Variants in PSME4 observed in about 807,000 individuals in gnomAD.
The protein encoded by PSME4 is proteasome activator complex subunit 4.
In PSME4, 89 loss-of-function variants were observed where a neutral mutation model predicts 253.9. The ratio of observed to expected loss-of-function variants is 0.35; its 90% CI spans 0.30 to 0.42. The LOEUF (loss-of-function observed/expected upper bound fraction) is 0.42. Ranked by LOEUF, PSME4 falls within the 10% of genes least tolerant of loss-of-function variation. PSME4 has a pLI of 1.00. For synonymous variants in PSME4, 851 were observed against 759.2 expected (o/e 1.12, Z -1.99); for missense variants, 2,014 against 2,195.2 (o/e 0.92, Z 1.65).
chr2:53,892,897 C>G lies in PSME4; in HGVS notation c.4102G>C (p.Val1368Leu). 1 of 1,613,794 alleles carries G rather than the reference C, an allele frequency of 6.2e-7. No homozygotes were observed. The highest frequency in any genetic ancestry group is 8.5e-7 in the Non-Finnish European group (1 of 1,179,836). Residue 1368 changes from valine (V) to leucine (L), a missense_variant, in exon 36 of 47, where the codon GTT becomes CTT. Physicochemically the swap from Val to Leu is conservative, Grantham distance 32. Transcript: ENST00000404125. ...PVLKPHLEHLVADSHESTQRC... is the reference protein window; with the variant it reads ...PVLKPHLEHLLADSHESTQRC... The stretch of plus-strand genomic sequence containing the variant: ...TGGGTGCTTTCATGTGAATCTGCAA[C>G]CAAATGTTCTAAATGGGGCTTCAGA...
chr2:53,955,307 C>T (rs960009792), intron 1 of PSME4, among the ~76,000 whole-genome samples: 6 of 152,138 alleles, frequency 3.9e-5, no homozygotes, highest in Non-Finnish European at 7.3e-5. Context: ...CTTGTCCAAC[C>T]GATGGCCCAG....
intron 24 of PSME4, among the ~76,000 whole-genome samples, chr2:53,907,347 G>T (rs1041869216): frequency 3.9e-5 from 6 of 152,230 alleles, no homozygotes; most frequent in South Asian, 2.1e-4. Context: ...ACCAAAGGCA[G>T]ATAGTTGAGG....
intron 28 of PSME4, among the ~76,000 whole-genome samples, chr2:53,900,726 G>A (rs1680358742): frequency 1.3e-5 from 2 of 152,124 alleles, no homozygotes; most frequent in Admixed American, 6.5e-5. Context: ...GCAACCCTAT[G>A]TTTGATTTAA....
chr2:53,897,109 C>G (rs1043924589), intron 31 of PSME4, among the ~76,000 whole-genome samples: 4 of 150,944 alleles, frequency 2.6e-5, no homozygotes, highest in African/African-American at 9.7e-5. Flanking sequence ...GCCTAGAAAA[C>G]TTTGACCCCT....
intron 43 of PSME4, chr2:53,870,965 A>G (rs1678849892): frequency 6.6e-6 from 1 of 152,050 alleles, no homozygotes; most frequent in Non-Finnish European, 1.5e-5. Context: ...ATAGATTACA[A>G]AAATTGGGAT....
intron 1 of PSME4, among the ~76,000 whole-genome samples, chr2:53,953,032 C>A (rs2104480055): frequency 6.6e-6 from 1 of 152,258 alleles, no homozygotes; most frequent in Non-Finnish European, 1.5e-5. Context: ...TAAAAAGAGA[C>A]CAACAGGGGG....
At chr2:53,894,282 C>A (rs770433502) in intron 34 of PSME4, among the ~76,000 whole-genome samples, 10 of 151,764 alleles carry the variant, frequency 6.6e-5, no homozygotes, top group Non-Finnish European at 1.5e-4. Flanking sequence ...TTTTTCTTTT[C>A]TTTTTTTGGG....
At chr2:53,902,937 T>C (rs1197925671) in intron 27 of PSME4, among the ~76,000 whole-genome samples, 1 of 152,166 alleles carries the variant, frequency 6.6e-6, no homozygotes, top group Non-Finnish European at 1.5e-5. Context: ...TCGTCTTCAT[T>C]ATCTCCAAAA....
chr2:53,899,210 G>T lies in PSME4; in HGVS notation c.3422+671C>A, dbSNP rs779004480. Reference sequence around the variant, plus strand: ...CTCCCGAGTAGCTGGGACTGTAGGCGCGTGCCACCATGCCAGGCTAAATTT... The same window carrying T: ...CTCCCGAGTAGCTGGGACTGTAGGCTCGTGCCACCATGCCAGGCTAAATTT... On this transcript the variant is annotated intron_variant, in intron 29 of 46. Coordinates refer to ENST00000404125, the MANE Select transcript of PSME4 (RefSeq NM_014614.3). Among the ~76,000 whole-genome samples, 3 of 151,802 alleles carry T rather than the reference G, an allele frequency of 2.0e-5. No individual in the cohort carries two copies. The East Asian group carries it at 5.9e-4, about 30-fold the overall frequency.
At chr2:53,966,945 G>C (rs913185660) in intron 1 of PSME4, among the ~76,000 whole-genome samples, 2 of 152,100 alleles carry the variant, frequency 1.3e-5, no homozygotes, top group African/African-American at 4.8e-5. Flanking sequence ...TGATCCGTCT[G>C]CCTCGGCCTC....
intron 27 of PSME4, among the ~76,000 whole-genome samples, chr2:53,901,965 G>T (rs1355849887): frequency 1.3e-5 from 2 of 152,266 alleles, no homozygotes; most frequent in East Asian, 3.9e-4. Flanking sequence ...TCCTCAGGAG[G>T]CTGAGGTGGG....
At chr2:53,958,037 T>G (rs1670313794) in intron 1 of PSME4, among the ~76,000 whole-genome samples, 1 of 151,836 alleles carries the variant, frequency 6.6e-6, no homozygotes, top group Non-Finnish European at 1.5e-5. Flanking sequence ...AATACAAAAA[T>G]TAGCTGGGCA....
At chr2:53,941,606 G>A (rs773417845) in intron 3 of PSME4, among the ~76,000 whole-genome samples, 19 of 151,992 alleles carry the variant, frequency 1.3e-4, no homozygotes, top group Non-Finnish European at 2.1e-4. Flanking sequence ...TTATATCAGA[G>A]TAACAAAAAG....
intron 26 of PSME4, among the ~76,000 whole-genome samples, chr2:53,904,581 A>G (rs986967060): frequency 1.1e-4 from 17 of 152,258 alleles, no homozygotes; most frequent in Admixed American, 1.0e-3. Flanking sequence ...GACACATAAC[A>G]ACTTAACCCT....
At position 53,949,773 on chromosome 2, in the gene PSME4, T is replaced by C. The variant is rs190817654; in HGVS notation, c.243-490A>G. On this transcript the variant is annotated intron_variant, in intron 1 of 46. Coordinates refer to ENST00000404125, the MANE Select transcript of PSME4 (RefSeq NM_014614.3). ...TGTTATTCAATGGGTATAGTTTCAG[T>C]CAAGTAAAATAAAAGAAGTTGTACA... Among the ~76,000 whole-genome samples, 4 of 152,246 alleles carry C rather than the reference T, an allele frequency of 2.6e-5. No homozygotes were observed. The East Asian group carries it at 7.7e-4, about 29-fold the overall frequency.
intron 37 of PSME4, among the ~76,000 whole-genome samples, chr2:53,889,688 T>C (rs184639612): frequency 1.0e-3 from 158 of 152,378 alleles, no homozygotes; most frequent in African/African-American, 3.2e-3. Flanking sequence ...ACACGAGCTA[T>C]GGACATATCT....
chr2:53,966,162 G>C (rs1196405663), intron 1 of PSME4, among the ~76,000 whole-genome samples: 1 of 152,082 alleles, frequency 6.6e-6, no homozygotes, highest in African/African-American at 2.4e-5. Flanking sequence ...GTACTCACCT[G>C]TAATCCCAGC....
In PSME4 at chr2:53,920,362, C is replaced by T. The variant is rs1186992897; in HGVS notation, c.2263-12G>A. ...GGTTTGCCCCAGTCCTAGAAGAGAA[C>T]AGCATCTACTCAGCAAGTTGAGAAA... On this transcript the variant is annotated splice_polypyrimidine_tract_variant and intron_variant, in intron 18 of 46. Transcript: ENST00000404125. 1.3e-6 allele frequency: 2 copies of T among 1,590,788 alleles called. No homozygotes were observed. Among genetic ancestry groups the T allele is most frequent in the African/African-American group, 1.4e-5 (1 of 73,910 alleles).
chr2:53,911,609 G>A (rs1045497983), intron 20 of PSME4, among the ~76,000 whole-genome samples: 1 of 151,682 alleles, frequency 6.6e-6, no homozygotes, highest in Non-Finnish European at 1.5e-5. Flanking sequence ...CACTGTTAGA[G>A]CAGGGGAAGT....
Sources: gnomAD v4.1 joint callset for allele counts (sites outside exome capture counted in the v4.1 genomes callset) on GRCh38, gnomAD v4.1.1 for gene constraint, MANE v1.5 for transcripts, NCBI Gene and HGNC (gene_info 2026-07-23, HGNC 2026-07-21) for gene names.